RBFOX3: variants seen among roughly 807,000 people sequenced by gnomAD.
RBFOX3 encodes RNA binding protein fox-1 homolog 3.
In RBFOX3, 17 loss-of-function variants were observed where a neutral mutation model predicts 48.7. The observed-to-expected ratio is 0.35, with a 90% CI of 0.24 to 0.52. RBFOX3 has a LOEUF of 0.52. Ranked by LOEUF, RBFOX3 falls within the 20% of genes least tolerant of loss-of-function variation. The pLI is 0.94. For missense variants in RBFOX3, 382 were observed against 497.5 expected (o/e 0.77, Z 2.21); for synonymous variants, 212 against 209.5 (o/e 1.01, Z -0.10).
intron 1 of RBFOX3, among the ~76,000 whole-genome samples, chr17:79,518,881 T>C (rs1203523237): frequency 6.6e-6 from 1 of 152,234 alleles, no homozygotes; most frequent in Non-Finnish European, 1.5e-5. Context: ...GGAAAATTGT[T>C]TTCCCGTCGT....
chr17:79,177,379 C>T (rs930675220), intron 4 of RBFOX3, among the ~76,000 whole-genome samples: 4 of 152,230 alleles, frequency 2.6e-5, no homozygotes, highest in Non-Finnish European at 4.4e-5. Flanking sequence ...TGTGGCTCAG[C>T]GTCTGCCCTG....
chr17:79,192,957 G>A (rs910391486), intron 4 of RBFOX3, among the ~76,000 whole-genome samples: 12 of 152,234 alleles, frequency 7.9e-5, no homozygotes, highest in Non-Finnish European at 1.2e-4. Context: ...AGGCTGCTGT[G>A]AGGACTATCT....
At chr17:79,615,359 A>G (rs1486216892), upstream of RBFOX3, among the ~76,000 whole-genome samples, 2 of 152,160 alleles carry the variant, frequency 1.3e-5, no homozygotes, top group Non-Finnish European at 2.9e-5. Flanking sequence ...AAAGCATGAA[A>G]GAGGGCAATG....
chr17:79,481,951 C>A lies in RBFOX3; in HGVS notation c.-175+503G>T, dbSNP rs1267606986. Reference sequence around the variant, plus strand: ...AACCCTGTGGAGTCTGACGCTGACTCCGGCGGTTAGTGTCAGAGCTGAACG... The same window carrying A: ...AACCCTGTGGAGTCTGACGCTGACTACGGCGGTTAGTGTCAGAGCTGAACG... On this transcript the variant is annotated intron_variant, in intron 2 of 14. Coordinates refer to ENST00000693108, the MANE Select transcript of RBFOX3 (RefSeq NM_001350451.2). The surrounding 1 kb of genome is among the most constrained non-coding windows in gnomAD (Gnocchi z 5.4). Among the ~76,000 whole-genome samples the A allele has an allele frequency of 7.2e-5, 11 of 152,146 alleles. No individual in the cohort carries two copies. The highest frequency in any genetic ancestry group is 6.5e-4 in the Admixed American group (10 of 15,282).
intron 2 of RBFOX3, among the ~76,000 whole-genome samples, chr17:79,355,305 G>T (rs2084764462): frequency 6.6e-6 from 1 of 152,232 alleles, no homozygotes; most frequent in Admixed American, 6.5e-5. Context: ...GCTCTGGGGA[G>T]ACGTGTTGTT....
intron 2 of RBFOX3, among the ~76,000 whole-genome samples, chr17:79,461,957 C>T (rs545149399): frequency 3.9e-5 from 6 of 152,222 alleles, no homozygotes; most frequent in African/African-American, 9.6e-5. Flanking sequence ...GTCCTGCCAA[C>T]GGGCACCTTG....
intron 1 of RBFOX3, among the ~76,000 whole-genome samples, chr17:79,563,285 C>T (rs945434233): frequency 6.6e-6 from 1 of 151,946 alleles, no homozygotes; most frequent in Non-Finnish European, 1.5e-5. Flanking sequence ...AGAGGATGAA[C>T]AAGCCAGAGG....
intron 2 of RBFOX3, among the ~76,000 whole-genome samples, chr17:79,455,428 A>G (rs1174832807): frequency 6.6e-6 from 1 of 152,160 alleles, no homozygotes; most frequent in Non-Finnish European, 1.5e-5. Flanking sequence ...GAATCAGATG[A>G]GCCCAGGAGA....
chr17:79,183,374 GGC>G (rs2052611009), intron 4 of RBFOX3: 2 of 152,414 alleles, frequency 1.3e-5, no homozygotes, highest in Admixed American at 1.3e-4. Flanking sequence ...AGCATGGGGC[GGC>G]AGGGGGGCGC....
intron 4 of RBFOX3, among the ~76,000 whole-genome samples, chr17:79,219,535 G>T (rs930881105): frequency 6.6e-6 from 1 of 152,064 alleles, no homozygotes; most frequent in Admixed American, 6.5e-5. Context: ...GCTTGGCCTC[G>T]CCTGGTACTG....
chr17:79,555,020 G>T (rs1466560214), intron 1 of RBFOX3, among the ~76,000 whole-genome samples: 5 of 152,212 alleles, frequency 3.3e-5, no homozygotes, highest in Admixed American at 2.0e-4. Context: ...GGTCCACAGG[G>T]CAGGGCAGCC....
At chr17:79,149,825 G>A (rs1011090449) in intron 4 of RBFOX3, among the ~76,000 whole-genome samples, 1 of 151,254 alleles carries the variant, frequency 6.6e-6, no homozygotes, top group Non-Finnish European at 1.5e-5. Context: ...GAGCATCTCT[G>A]AGTGCCAGGG....
intron 1 of RBFOX3, among the ~76,000 whole-genome samples, chr17:79,596,634 G>C (rs1306321356): frequency 6.6e-6 from 1 of 152,250 alleles, no homozygotes; most frequent in Non-Finnish European, 1.5e-5. Flanking sequence ...TGAGCAGACA[G>C]CCATGCTAGG....
intron 2 of RBFOX3, among the ~76,000 whole-genome samples, chr17:79,341,858 C>T (rs186305722): frequency 2.6e-4 from 40 of 152,382 alleles, no homozygotes; most frequent in African/African-American, 8.7e-4. Flanking sequence ...CAATTTGCAG[C>T]CGGTGGCTCC....
the RBFOX3 span, among the ~76,000 whole-genome samples, chr17:79,657,976 C>T: frequency 2.0e-5 from 3 of 152,124 alleles, no homozygotes; most frequent in Non-Finnish European, 4.4e-5. Flanking sequence ...GACGAAACGA[C>T]CCCAGGCTCA....
intron 3 of RBFOX3, among the ~76,000 whole-genome samples, chr17:79,272,719 A>C (rs2067967932): frequency 1.3e-5 from 2 of 152,294 alleles, no homozygotes; most frequent in South Asian, 4.1e-4. Context: ...GTCATCGCAG[A>C]TAATTGTGTC....
intron 2 of RBFOX3, among the ~76,000 whole-genome samples, chr17:79,446,721 A>C (rs1598735428): frequency 6.6e-6 from 1 of 152,106 alleles, no homozygotes; most frequent in African/African-American, 2.4e-5. Context: ...CTGACTGCAA[A>C]CCTGCCCTGA....
intron 3 of RBFOX3, among the ~76,000 whole-genome samples, chr17:79,256,793 A>G (rs1230622275): frequency 6.6e-6 from 1 of 151,936 alleles, no homozygotes; most frequent in African/African-American, 2.4e-5. Context: ...TGGCGCACGC[A>G]CCTGAAATCC....
Position 79,360,556 on chromosome 17 carries a change from C to T in RBFOX3, c.-174-52732G>A, listed in dbSNP as rs377661237. Among the ~76,000 whole-genome samples, 9 of 152,308 alleles carry T rather than the reference C, an allele frequency of 5.9e-5. 1 individual carries two copies. The highest frequency in any genetic ancestry group is 5.8e-4 in the East Asian group (3 of 5,182). On this transcript the variant is annotated intron_variant, in intron 2 of 14. Transcript: ENST00000693108. Reference sequence around the variant, plus strand: ...AAATCCACGCAGCCAGCATCGGAGACGATGAAATGGGACAAGCTCTCACCG... The same window carrying T: ...AAATCCACGCAGCCAGCATCGGAGATGATGAAATGGGACAAGCTCTCACCG...
Sources: gnomAD v4.1 joint callset for allele counts (sites outside exome capture counted in the v4.1 genomes callset) on GRCh38, gnomAD v4.1.1 for gene constraint, Gnocchi (gnomAD v3.1) non-coding constraint, MANE v1.5 for transcripts, NCBI Gene and HGNC (gene_info 2026-07-23, HGNC 2026-07-21) for gene names.